FANCI: variants seen among roughly 807,000 people sequenced by gnomAD.
FANCI encodes Fanconi anemia group I protein.
In FANCI, 156 loss-of-function variants were observed where a neutral mutation model predicts 176.1. The ratio of observed to expected loss-of-function variants is 0.89; its 90% confidence interval spans 0.78 to 1.01. FANCI has a LOEUF of 1.01. Among genes scored for constraint, FANCI ranks in the 50% least tolerant of loss-of-function variants. FANCI has a pLI of 0.00. For synonymous variants in FANCI, 613 were observed against 541.7 expected (o/e 1.13, Z -1.83); for missense variants, 1,678 against 1,534.1 (o/e 1.09, Z -1.57).
chr15:89,295,417 G>C (rs1257671975), intron 24 of FANCI, among the ~76,000 whole-genome samples: 3 of 149,998 alleles, frequency 2.0e-5, no homozygotes, highest in African/African-American at 7.4e-5. Flanking sequence ...TGTAATCCCA[G>C]CACTTTGGGA....
intron 28 of FANCI, among the ~76,000 whole-genome samples, 192 bp from the exon 29 acceptor site, chr15:89,304,923 T>C (rs2054659032): frequency 6.6e-6 from 1 of 152,150 alleles, no homozygotes; most frequent in Admixed American, 6.5e-5. Flanking sequence ...ATTACAGGCA[T>C]GCGCCACCAT....
intron 12 of FANCI, 70 bp from the exon 13 acceptor site, chr15:89,276,641 G>A: frequency 1.3e-6 from 2 of 1,540,220 alleles, no homozygotes; most frequent in Non-Finnish European, 1.8e-6. Flanking sequence ...TGTATAACAG[G>A]GCAATGAGTA....
intron 2 of FANCI, among the ~76,000 whole-genome samples, chr15:89,252,065 C>G (rs746881874): frequency 6.6e-6 from 1 of 152,132 alleles, no homozygotes; most frequent in East Asian, 1.9e-4. Context: ...TTTGGGAGGC[C>G]AAGGTGGGCA....
At chr15:89,282,955 AC>A (rs1342925182) in intron 16 of FANCI, 180 bp from the exon 17 acceptor site, 3 of 640,082 alleles carry the variant, frequency 4.7e-6, no homozygotes, top group Non-Finnish European at 5.6e-6. Context: ...GAATTTCTGT[AC>A]TATAAATTGC....
chr15:89,305,866 C>A, intron 31 of FANCI, 141 bp from the exon 32 acceptor site: 1 of 1,051,636 alleles, frequency 9.5e-7, no homozygotes, highest in Non-Finnish European at 1.5e-6. Context: ...CTTATCACAG[C>A]ACGATTAATT....
intron 3 of FANCI, chr15:89,259,076 A>G (rs1461735961): frequency 7.7e-6 from 3 of 387,318 alleles, no homozygotes; most frequent in African/African-American, 2.1e-5. Context: ...AGAAGAGAAC[A>G]GCAATGTTTA....
intron 23 of FANCI, 41 bp from the exon 24 acceptor site, chr15:89,294,874 G>C: frequency 6.5e-7 from 1 of 1,540,990 alleles, no homozygotes; most frequent in Non-Finnish European, 8.8e-7. Context: ...TAGCAGTAAG[G>C]GAATCTTCCT....
At chr15:89,287,267 C>T (rs1338326279) in intron 18 of FANCI, among the ~76,000 whole-genome samples, 2 of 152,160 alleles carry the variant, frequency 1.3e-5, no homozygotes, top group African/African-American at 2.4e-5. Flanking sequence ...GCCACTGCGC[C>T]CAGCCCCTTG....
chr15:89,292,615 G>T lies in FANCI; in HGVS notation c.1993-73G>T. On this transcript the variant is annotated intron_variant, in intron 20 of 37. Coordinates refer to ENST00000310775, the MANE Select transcript of FANCI (RefSeq NM_001113378.2). ...TTAGCCTTATAGATAAGAATTATTT[G>T]CTGGTTATGAACAACTTTATAAGTT... 9 of 1,420,780 alleles carry T rather than the reference G, an allele frequency of 6.3e-6. No individual in the cohort carries two copies. The South Asian group carries it at 9.3e-5, about 15-fold the overall frequency. The allele number at this position is 1,420,780 out of a possible 1,614,324, so 88.0% of individuals were successfully genotyped here.
intron 19 of FANCI, among the ~76,000 whole-genome samples, chr15:89,291,072 A>G (rs16942967): frequency 0.047 from 7,183 of 152,290 alleles, 568 homozygotes; most frequent in African/African-American, 0.16. Context: ...TCAGGTTAAT[A>G]TGCAGGACAG....
chr15:89,300,513 G>A lies in FANCI; in HGVS notation c.2889+128G>A, dbSNP rs11857748. On this transcript the variant is annotated intron_variant, in intron 26 of 37. Coordinates refer to ENST00000310775, the MANE Select transcript of FANCI (RefSeq NM_001113378.2). ...GAAGAATTTTTTCTGGGTCATACAG[G>A]CAACAGGACATAGCTCTCAGAATGG... 6,886 of 745,788 alleles carry A rather than the reference G, an allele frequency of 9.2e-3. 260 individuals carry two copies. Among genetic ancestry groups the A allele is most frequent in the African/African-American group, 0.09 (5,175 of 57,492 alleles). 46.2% of individuals were successfully genotyped at this position (745,788 alleles called of 1,614,324 possible).
At chr15:89,300,422 A>G in intron 26 of FANCI, 37 bp downstream of exon 26, 1 of 1,581,500 alleles carries the variant, frequency 6.3e-7, no homozygotes, top group Non-Finnish European at 8.7e-7. Flanking sequence ...CTGGCCTGAG[A>G]GGCTTTGCAA....
intron 27 of FANCI, 69 bp downstream of exon 27, chr15:89,301,511 T>G (rs903502950): frequency 3.8e-6 from 4 of 1,052,804 alleles, no homozygotes; most frequent in Non-Finnish European, 6.0e-6. Flanking sequence ...ATCATAAAAG[T>G]GTATATCTAA....
chr15:89,278,365 G>C (rs993508071), intron 13 of FANCI, among the ~76,000 whole-genome samples: 1 of 152,154 alleles, frequency 6.6e-6, no homozygotes, highest in East Asian at 1.9e-4. Context: ...TATGTATACT[G>C]TCAGGAATAT....
chr15:89,253,594 CAGTGA>C (rs2052360651), intron 2 of FANCI, among the ~76,000 whole-genome samples: 2 of 151,952 alleles, frequency 1.3e-5, no homozygotes, highest in South Asian at 4.1e-4. Context: ...AAGCTCAGTG[CAGTGA>C]AAAGCTTTCT....
chr15:89,257,336 T>A (rs1340444815), intron 2 of FANCI, among the ~76,000 whole-genome samples: 2 of 152,226 alleles, frequency 1.3e-5, no homozygotes, highest in Non-Finnish European at 2.9e-5. Flanking sequence ...CTAGGGCTGC[T>A]GTTACAATGT....
At chr15:89,271,369 C>G (rs889007075) in intron 10 of FANCI, among the ~76,000 whole-genome samples, 3 of 152,134 alleles carry the variant, frequency 2.0e-5, no homozygotes, top group African/African-American at 7.2e-5. Flanking sequence ...ATAGATTTAC[C>G]TTTCCTAGAT....
intron 4 of FANCI, 150 bp from the exon 5 acceptor site, chr15:89,261,435 G>T: frequency 2.1e-6 from 2 of 970,632 alleles, no homozygotes; most frequent in East Asian, 4.9e-5. Context: ...CTACGTACCA[G>T]ACAGAGCAGA....
chr15:89,306,220 G>A lies in FANCI; in HGVS notation c.3537+26G>A, dbSNP rs371080029. The A allele has an allele frequency of 2.3e-5, 37 of 1,611,554 alleles. No individual in the cohort carries two copies. The African/African-American group carries it at 3.6e-4, about 16-fold the overall frequency. ...GTGAGTATTTGAGACAAGCAGATTC[G>A]CCCCACCATTCTACCCCAGTGAGCC... is the stretch of plus-strand genomic sequence containing the variant. On this transcript the variant is annotated intron_variant, in intron 32 of 37. Transcript: ENST00000310775.
Sources: gnomAD v4.1 joint callset for allele counts (sites outside exome capture counted in the v4.1 genomes callset) on GRCh38, gnomAD v4.1.1 for gene constraint, MANE v1.5 for transcripts, NCBI Gene and HGNC (gene_info 2026-07-23, HGNC 2026-07-21) for gene names.